PRKCA: variants seen among roughly 807,000 people sequenced by gnomAD.
PRKCA encodes protein kinase C alpha type.
Under a neutral mutation model 87.0 loss-of-function variants are expected in PRKCA, and 27 were observed. The observed-to-expected ratio is 0.31, with a 90% CI of 0.23 to 0.43. The LOEUF (loss-of-function observed/expected upper bound fraction) is 0.43, where lower values mean the gene tolerates loss of function less well. Ranked by LOEUF, PRKCA falls within the 20% of genes least tolerant of loss-of-function variation. PRKCA has a pLI of 1.00. For missense variants in PRKCA, 518 were observed against 852.3 expected (o/e 0.61, Z 4.88); for synonymous variants, 329 against 311.1 (o/e 1.06, Z -0.61).
chr17:66,740,259 G>A (rs1007805521), intron 11 of PRKCA, among the ~76,000 whole-genome samples: 1 of 152,098 alleles, frequency 6.6e-6, no homozygotes, highest in African/African-American at 2.4e-5. Context: ...TCCAGGTGAA[G>A]ATGAGAGATT....
At chr17:66,393,177 T>C (rs1910461076) in intron 2 of PRKCA, among the ~76,000 whole-genome samples, 2 of 152,130 alleles carry the variant, frequency 1.3e-5, no homozygotes, top group Admixed American at 6.5e-5. Flanking sequence ...ATCTGGGTAT[T>C]GGTTTTGCCT....
chr17:66,486,405 G>GT (rs1440962530), intron 2 of PRKCA, among the ~76,000 whole-genome samples: 2 of 152,194 alleles, frequency 1.3e-5, no homozygotes, highest in Non-Finnish European at 2.9e-5. Context: ...ATCCTTCTAA[G>GT]TGTGTGGCTT....
At chr17:66,394,821 C>T (rs1398278779) in intron 2 of PRKCA, among the ~76,000 whole-genome samples, 2 of 152,146 alleles carry the variant, frequency 1.3e-5, no homozygotes, top group African/African-American at 2.4e-5. Context: ...CTGGGCTCTT[C>T]TCCTTCCTGC....
chr17:66,660,114 A>G lies in PRKCA; in HGVS notation c.529+14603A>G, dbSNP rs939343404. 6.0e-5 allele frequency among the ~76,000 whole-genome samples: 9 copies of G among 149,598 alleles called. No individual in the cohort carries two copies. In the South Asian group the frequency reaches 8.3e-4, roughly 14 times the overall value. On this transcript the variant is annotated intron_variant, in intron 5 of 16. Coordinates refer to ENST00000413366, the MANE Select transcript of PRKCA (RefSeq NM_002737.3). ...GCGAAGCTTTGTCTAAGAATTAGGG[A>G]TCAACAAAAAAAAAAACAATGTTAG...
chr17:66,469,065 A>G (rs1208401849), intron 2 of PRKCA, among the ~76,000 whole-genome samples: 1 of 152,028 alleles, frequency 6.6e-6, no homozygotes, highest in African/African-American at 2.4e-5. Context: ...CCCTTCCCCT[A>G]CAGATGCCTT....
intron 2 of PRKCA, among the ~76,000 whole-genome samples, chr17:66,312,410 A>C (rs74706685): frequency 0.018 from 2,673 of 152,236 alleles, 90 homozygotes; most frequent in African/African-American, 0.061. Context: ...GTTTTTCTTC[A>C]TGCAGATTCA....
At chr17:66,340,952 C>T (rs553641574) in intron 2 of PRKCA, among the ~76,000 whole-genome samples, 14 of 152,128 alleles carry the variant, frequency 9.2e-5, no homozygotes, top group African/African-American at 1.7e-4. Context: ...CTGTGGGAAT[C>T]AGAGGAGTGT....
rs768894580 is a variant in PRKCA at position 66,742,656 on chromosome 17, G to A, written c.1420G>A (p.Glu474Lys). Residue 474 changes from glutamate to lysine, a missense_variant, in exon 13 of 17, where the codon GAA becomes AAA. Physicochemically the swap from Glu to Lys is moderately conservative, Grantham distance 56. This residue lies in a region of PRKCA where 300 missense variants were observed against 496.8 expected (regional missense o/e 0.60). Coordinates refer to ENST00000413366, the MANE Select transcript of PRKCA (RefSeq NM_002737.3). ...LKLDNVMLDSEGHIKIADFGM... is the reference protein window; with the variant it reads ...LKLDNVMLDSKGHIKIADFGM... ...GTTAGATAACGTCATGTTGGATTCA[G>A]AAGGACATATCAAAATTGCTGACTT... 1 of 1,614,208 alleles carries A rather than the reference G, an allele frequency of 6.2e-7. No individual in the cohort carries two copies. Among genetic ancestry groups the A allele is most frequent in the South Asian group, 1.1e-5 (1 of 91,074 alleles).
chr17:66,462,544 G>A (rs535851735), intron 2 of PRKCA, among the ~76,000 whole-genome samples: 1 of 152,042 alleles, frequency 6.6e-6, no homozygotes, highest in African/African-American at 2.4e-5. Flanking sequence ...CGTTTTCATT[G>A]TATAAATTTG....
At chr17:66,794,093 C>T (rs1975607842) in intron 16 of PRKCA, among the ~76,000 whole-genome samples, 1 of 152,158 alleles carries the variant, frequency 6.6e-6, no homozygotes, top group Admixed American at 6.5e-5. Flanking sequence ...ATTCACTGTA[C>T]TTAAATGGTT....
Position 66,446,304 on chromosome 17 carries a change from A to C in PRKCA, c.206-49897A>C, listed in dbSNP as rs373736404. Among the ~76,000 whole-genome samples, 9 of 152,198 alleles carry C rather than the reference A, an allele frequency of 5.9e-5. No homozygotes were observed. In the East Asian group the frequency reaches 1.6e-3, roughly 26 times the overall value. ...TCCCACCTCTTGAGAAGACCACAGG[A>C]GCTGTGGAGACAGTTGTCCTTGGTG... On this transcript the variant is annotated intron_variant, in intron 2 of 16. Coordinates refer to ENST00000413366, the MANE Select transcript of PRKCA (RefSeq NM_002737.3).
At chr17:66,317,372 T>A (rs936193758) in intron 2 of PRKCA, among the ~76,000 whole-genome samples, 20 of 152,060 alleles carry the variant, frequency 1.3e-4, no homozygotes, top group Non-Finnish European at 8.8e-5. Flanking sequence ...GGATTGAGAT[T>A]TGAGAAATAC....
chr17:66,406,386 T>C (rs995705481), intron 2 of PRKCA, among the ~76,000 whole-genome samples: 9 of 152,310 alleles, frequency 5.9e-5, no homozygotes, highest in African/African-American at 2.2e-4. Flanking sequence ...GTACAGATGC[T>C]GACAACATTC....
intron 3 of PRKCA, among the ~76,000 whole-genome samples, chr17:66,563,191 A>G (rs1346517379): frequency 2.0e-5 from 3 of 152,170 alleles, no homozygotes; most frequent in East Asian, 3.8e-4. Context: ...TATTATTAAC[A>G]AAAGTCCATG....
intron 13 of PRKCA, among the ~76,000 whole-genome samples, chr17:66,747,473 C>T (rs965740923): frequency 3.3e-5 from 5 of 152,208 alleles, no homozygotes; most frequent in African/African-American, 1.2e-4. Context: ...ACCCGTGATA[C>T]ACTGACTTCT....
chr17:66,558,402 T>A (rs1022327298), intron 3 of PRKCA, among the ~76,000 whole-genome samples: 6 of 152,182 alleles, frequency 3.9e-5, no homozygotes, highest in African/African-American at 1.4e-4. Flanking sequence ...TTTGCTGGGA[T>A]GGGACCTTTA....
chr17:66,790,452 G>A (rs201050428), intron 16 of PRKCA, among the ~76,000 whole-genome samples: 2 of 152,130 alleles, frequency 1.3e-5, no homozygotes, highest in East Asian at 1.9e-4. Flanking sequence ...TACAAAACCC[G>A]GTCTGGAGGT....
At chr17:66,556,415 T>A (rs1336854733) in intron 3 of PRKCA, among the ~76,000 whole-genome samples, 2 of 151,676 alleles carry the variant, frequency 1.3e-5, no homozygotes. Context: ...TAATACATTA[T>A]TTAAAGAGGT....
chr17:66,420,425 C>A (rs988403444), intron 2 of PRKCA, among the ~76,000 whole-genome samples: 1 of 152,202 alleles, frequency 6.6e-6, no homozygotes, highest in Admixed American at 6.5e-5. Flanking sequence ...TTTTCAACTT[C>A]ATGACGGTGT....
Sources: allele counts gnomAD v4.1 joint callset (sites outside exome capture counted in the v4.1 genomes callset), GRCh38; gene constraint gnomAD v4.1.1; regional missense constraint gnomAD v4.1.1; transcripts MANE v1.5; gene names NCBI Gene and HGNC (gene_info 2026-07-23, HGNC 2026-07-21).